The following GRID1 variants were observed in gnomAD, a reference collection of about 807,000 sequenced individuals.
The protein encoded by GRID1 is glutamate receptor ionotropic, delta-1.
A neutral mutation model predicts 98.0 loss-of-function variants in GRID1; 28 were observed. The observed-to-expected ratio is 0.29, with a 90% CI of 0.21 to 0.39. GRID1 has a LOEUF of 0.39. Ranked by LOEUF, GRID1 falls within the 10% of genes least tolerant of loss-of-function variation. The pLI is 1.00. For synonymous variants in GRID1, 553 were observed against 538.5 expected, an observed-to-expected ratio of 1.03 and a Z score of -0.37; for missense variants, 1,111 against 1,340.5, an observed-to-expected ratio of 0.83 and a Z score of 2.67.
chr10:85,958,652 G>A (rs2131847708), intron 4 of GRID1, among the ~76,000 whole-genome samples: 1 of 152,242 alleles, frequency 6.6e-6, no homozygotes, highest in Non-Finnish European at 1.5e-5. Context: ...TTGAAGATCT[G>A]AATAAAACAA....
At chr10:85,818,516 C>T (rs1564599657) in intron 8 of GRID1, among the ~76,000 whole-genome samples, 1 of 152,066 alleles carries the variant, frequency 6.6e-6, no homozygotes, top group African/African-American at 2.4e-5. Context: ...TGAAATAAGC[C>T]AGATACCAAT....
At chr10:85,856,465 G>A (rs1843110943) in intron 6 of GRID1, among the ~76,000 whole-genome samples, 1 of 152,198 alleles carries the variant, frequency 6.6e-6, no homozygotes, top group African/African-American at 2.4e-5. Flanking sequence ...TGATTGAGAT[G>A]TGCACACAGG....
intron 4 of GRID1, among the ~76,000 whole-genome samples, chr10:85,991,251 T>C (rs1007174721): frequency 6.6e-6 from 1 of 152,022 alleles, no homozygotes; most frequent in African/African-American, 2.4e-5. Flanking sequence ...ATGTGGATGA[T>C]TTCTATTTTG....
chr10:86,338,931 T>A (rs1848270062), intron 2 of GRID1, among the ~76,000 whole-genome samples: 1 of 152,124 alleles, frequency 6.6e-6, no homozygotes, highest in Non-Finnish European at 1.5e-5. Context: ...CCTATGTTTA[T>A]CCCCATTTTA....
chr10:85,794,488 A>G (rs574777211), intron 8 of GRID1, among the ~76,000 whole-genome samples: 1 of 152,312 alleles, frequency 6.6e-6, no homozygotes, highest in South Asian at 2.1e-4. Flanking sequence ...CATCACACCA[A>G]AAATATTTGA....
chr10:85,764,613 C>T (rs1051843188), intron 8 of GRID1, among the ~76,000 whole-genome samples: 6 of 152,140 alleles, frequency 3.9e-5, no homozygotes, highest in African/African-American at 1.4e-4. Context: ...TAAAGTTATC[C>T]GAAAGCCTCA....
intron 13 of GRID1, among the ~76,000 whole-genome samples, chr10:85,637,308 T>G (rs973544528): frequency 6.6e-6 from 1 of 152,244 alleles, no homozygotes; most frequent in Non-Finnish European, 1.5e-5. Context: ...CATAAATGTA[T>G]AACCTAAAGA....
intron 2 of GRID1, among the ~76,000 whole-genome samples, chr10:86,343,576 C>T (rs1848341054): frequency 6.6e-6 from 1 of 152,236 alleles, no homozygotes; most frequent in African/African-American, 2.4e-5. Flanking sequence ...TTGCAGAGAA[C>T]ATAAGCCATT....
intron 13 of GRID1, among the ~76,000 whole-genome samples, chr10:85,640,927 T>G (rs117851067): frequency 0.033 from 5,051 of 152,352 alleles, 123 homozygotes; most frequent in Non-Finnish European, 0.047. Context: ...CACCACCTTT[T>G]GTTACCACCA....
intron 4 of GRID1, among the ~76,000 whole-genome samples, chr10:86,077,640 C>A (rs369701909): frequency 6.6e-6 from 1 of 152,206 alleles, no homozygotes; most frequent in Admixed American, 6.5e-5. Context: ...GCCAGTGATT[C>A]GTGTGCGTTG....
At chr10:85,738,667 A>G (rs975771626) in intron 8 of GRID1, among the ~76,000 whole-genome samples, 8 of 152,232 alleles carry the variant, frequency 5.3e-5, no homozygotes, top group African/African-American at 1.9e-4. Flanking sequence ...CTCAGCAATA[A>G]AAAGCAACAA....
intron 9 of GRID1, among the ~76,000 whole-genome samples, chr10:85,728,460 C>T (rs916750853): frequency 1.3e-5 from 2 of 152,094 alleles, no homozygotes; most frequent in East Asian, 1.9e-4. Context: ...TAGTAAGTGG[C>T]GATAAAGCTC....
chr10:85,823,880 A>G (rs1842795251), intron 8 of GRID1, among the ~76,000 whole-genome samples: 1 of 143,812 alleles, frequency 7.0e-6, no homozygotes, highest in Non-Finnish European at 1.5e-5. Flanking sequence ...AATAACCATC[A>G]TCAATGAGTG....
At chr10:85,807,550 T>C (rs950916133) in intron 8 of GRID1, among the ~76,000 whole-genome samples, 5 of 152,066 alleles carry the variant, frequency 3.3e-5, no homozygotes, top group Non-Finnish European at 7.4e-5. Flanking sequence ...GAGATAAATA[T>C]TCCCGTAGAA....
intron 4 of GRID1, among the ~76,000 whole-genome samples, chr10:85,923,136 C>A (rs373714373): frequency 2.0e-5 from 2 of 98,938 alleles, no homozygotes; most frequent in African/African-American, 1.0e-4. Flanking sequence ...GCCAGCCCCT[C>A]CTTGATGGTC....
intron 13 of GRID1, among the ~76,000 whole-genome samples, chr10:85,624,897 A>T (rs1842892825): frequency 6.6e-6 from 1 of 152,250 alleles, no homozygotes; most frequent in African/African-American, 2.4e-5. Context: ...CATAAGGTTT[A>T]AATATTTACT....
intron 6 of GRID1, among the ~76,000 whole-genome samples, chr10:85,867,696 G>A (rs144328847): frequency 6.6e-6 from 1 of 152,254 alleles, no homozygotes; most frequent in Non-Finnish European, 1.5e-5. Flanking sequence ...TTGAGTCCAT[G>A]AGTGATGCGG....
At chr10:85,971,487 CAAAAAG>C (rs112372078) in intron 4 of GRID1, among the ~76,000 whole-genome samples, 9,535 of 151,940 alleles carry the variant, frequency 0.063, 934 homozygotes, top group African/African-American at 0.21. Flanking sequence ...TCCTGTAAAT[CAAAAAG>C]AAAAAGTCCA....
At chr10:86,341,946 A>AT (rs1298881299) in intron 2 of GRID1, among the ~76,000 whole-genome samples, 2 of 152,092 alleles carry the variant, frequency 1.3e-5, no homozygotes, top group African/African-American at 4.8e-5. Context: ...AGGGATTGGG[A>AT]TTTTTAGGGC....
Sources: gnomAD v4.1 joint callset for allele counts (sites outside exome capture counted in the v4.1 genomes callset) on GRCh38, gnomAD v4.1.1 for gene constraint, MANE v1.5 for transcripts, NCBI Gene and HGNC (gene_info 2026-07-23, HGNC 2026-07-21) for gene names.